Variants in MORC1 observed in about 807,000 individuals in gnomAD.
The protein encoded by MORC1 is MORC family CW-type zinc finger 1.
MORC1 carries 59 observed loss-of-function variants against 134.9 expected under a neutral mutation model. The observed-to-expected ratio is 0.44, with a 90% CI of 0.35 to 0.54. The LOEUF is 0.54. Ranked by LOEUF, MORC1 falls within the 20% of genes least tolerant of loss-of-function variation. The pLI, the probability that MORC1 is intolerant of heterozygous loss-of-function variation, is 0.00. For synonymous variants in MORC1, 395 were observed against 391.7 expected (o/e 1.01, Z -0.10); for missense variants, 947 against 1,134.5 (o/e 0.83, Z 2.37).
Position 109,080,727 on chromosome 3 carries a change from G to T in MORC1, c.690-10970C>A, listed in dbSNP as rs563646467. 1.2e-3 allele frequency among the ~76,000 whole-genome samples: 177 copies of T among 152,090 alleles called. 1 individual carries two copies. Among genetic ancestry groups the T allele is most frequent in the African/African-American group, 4.1e-3 (169 of 41,502 alleles). On this transcript the variant is annotated intron_variant, in intron 8 of 27. Coordinates refer to ENST00000232603, the MANE Select transcript of MORC1 (RefSeq NM_014429.4). ...GATTTTTAAAATTCAGATAAAAAAAGAATATTTGCAAGAATAGCAAATAAT... is the reference window on the plus strand; with the variant it reads ...GATTTTTAAAATTCAGATAAAAAAATAATATTTGCAAGAATAGCAAATAAT...
intron 23 of MORC1, among the ~76,000 whole-genome samples, 190 bp downstream of exon 23, chr3:108,984,526 G>A (rs190916727): frequency 2.1e-3 from 292 of 138,224 alleles, no homozygotes; most frequent in African/African-American, 7.7e-3. Flanking sequence ...AGTTCTTCAC[G>A]AAAGAAATGA....
chr3:109,076,837 G>T (rs1278361525), intron 8 of MORC1, among the ~76,000 whole-genome samples: 2 of 152,062 alleles, frequency 1.3e-5, no homozygotes, highest in East Asian at 3.9e-4. Flanking sequence ...GGGGATCGGG[G>T]ACTAGGGGAG....
At chr3:109,009,787 A>G (rs1948639836) in intron 17 of MORC1, among the ~76,000 whole-genome samples, 1 of 152,084 alleles carries the variant, frequency 6.6e-6, no homozygotes, top group Non-Finnish European at 1.5e-5. Context: ...TTCTGGGGAC[A>G]GTTTTTCCCT....
intron 21 of MORC1, among the ~76,000 whole-genome samples, chr3:108,987,317 T>C (rs375253445): frequency 6.6e-6 from 1 of 152,342 alleles, no homozygotes; most frequent in East Asian, 1.9e-4. Context: ...CTCTATCGTT[T>C]TGAGGAAGCT....
chr3:109,058,157 C>T (rs1950002069), intron 12 of MORC1, among the ~76,000 whole-genome samples: 1 of 152,086 alleles, frequency 6.6e-6, no homozygotes, highest in South Asian at 2.1e-4. Flanking sequence ...ATATCAGAGG[C>T]TGCTGGAAGC....
intron 24 of MORC1, among the ~76,000 whole-genome samples, chr3:108,972,769 C>G (rs1053316767): frequency 2.6e-5 from 4 of 152,204 alleles, no homozygotes; most frequent in African/African-American, 9.6e-5. Flanking sequence ...TTCAGGCTCC[C>G]TTTCCCCACC....
chr3:108,980,967 G>A (rs1490403393), intron 23 of MORC1, among the ~76,000 whole-genome samples: 1 of 152,102 alleles, frequency 6.6e-6, no homozygotes, highest in Non-Finnish European at 1.5e-5. Flanking sequence ...CACTACCATT[G>A]GAAGTTTTCA....
intron 8 of MORC1, among the ~76,000 whole-genome samples, chr3:109,088,678 A>C (rs551952658): frequency 2.0e-5 from 3 of 152,270 alleles, no homozygotes; most frequent in African/African-American, 7.2e-5. Flanking sequence ...TAAAAAGTAG[A>C]ACTACCGTTC....
intron 25 of MORC1, among the ~76,000 whole-genome samples, chr3:108,970,591 T>C (rs952695241): frequency 1.3e-5 from 2 of 152,176 alleles, no homozygotes; most frequent in African/African-American, 4.8e-5. Context: ...CTCTGTTGCA[T>C]TCATAATTTG....
At chr3:108,963,381 C>G in intron 27 of MORC1, 33 bp downstream of exon 27, 1 of 1,568,546 alleles carries the variant, frequency 6.4e-7, no homozygotes, top group Non-Finnish European at 8.7e-7. Flanking sequence ...ATAGAGTCTA[C>G]TCCTACTGCT....
At chr3:109,060,000 C>T in intron 11 of MORC1, 130 bp from the exon 12 acceptor site, 1 of 670,900 alleles carries the variant, frequency 1.5e-6, no homozygotes. Context: ...ATTCTACCAT[C>T]ATAGATTCTC....
At position 108,969,650 on chromosome 3, in the gene MORC1, A is replaced by G. The variant is rs767934576; in HGVS notation, c.2604+19T>C. The stretch of plus-strand genomic sequence containing the variant: ...AGGATCATTTAGAATATAAATGGTG[A>G]TACTGAAAGGAAGCTTACCTGGTTG... On this transcript the variant is annotated intron_variant, in intron 26 of 27. Coordinates refer to ENST00000232603, the MANE Select transcript of MORC1 (RefSeq NM_014429.4). 27 of 1,602,998 alleles carry G rather than the reference A, an allele frequency of 1.7e-5. No individual in the cohort carries two copies. The highest frequency in any genetic ancestry group is 2.3e-5 in the Non-Finnish European group (27 of 1,169,966).
chr3:109,004,740 T>C (rs1948495701), intron 20 of MORC1, 77 bp downstream of exon 20: 5 of 1,379,572 alleles, frequency 3.6e-6, no homozygotes, highest in Non-Finnish European at 5.1e-6. Context: ...AAGCATTGAA[T>C]GCAAAACTTA....
At chr3:109,112,710 A>G (rs1951196224) in intron 2 of MORC1, among the ~76,000 whole-genome samples, 1 of 152,172 alleles carries the variant, frequency 6.6e-6, no homozygotes, top group Non-Finnish European at 1.5e-5. Flanking sequence ...GAGGGCCCAA[A>G]TTTTTTATTT....
At chr3:109,004,672 T>A in intron 20 of MORC1, 145 bp downstream of exon 20, 1 of 776,192 alleles carries the variant, frequency 1.3e-6, no homozygotes, top group Non-Finnish European at 2.1e-6. Context: ...CCCAGTTTTT[T>A]CAGAACCTTG....
At position 109,011,821 on chromosome 3, in the gene MORC1, G is replaced by A. The variant is rs145627587; in HGVS notation, c.1705-4730C>T. ...CAGGCGTGAGCCACTGAGCCCAGCC[G>A]AGTTTTAAAAGTTCTCTCCATACTC... On this transcript the variant is annotated intron_variant, in intron 17 of 27. Coordinates refer to ENST00000232603, the MANE Select transcript of MORC1 (RefSeq NM_014429.4). Among the ~76,000 whole-genome samples the A allele has an allele frequency of 1.6e-3, 251 of 152,166 alleles. 1 individual carries two copies. The highest frequency in any genetic ancestry group is 5.7e-3 in the African/African-American group (236 of 41,520).
At chr3:109,064,202 A>G (rs1162750822) in intron 9 of MORC1, among the ~76,000 whole-genome samples, 2 of 152,170 alleles carry the variant, frequency 1.3e-5, no homozygotes, top group African/African-American at 4.8e-5. Flanking sequence ...TAAACTTCTA[A>G]CAGAGATTCT....
Position 108,979,710 on chromosome 3 carries a change from A to T in MORC1, c.2325-43T>A, listed in dbSNP as rs1947660020. On this transcript the variant is annotated intron_variant, in intron 23 of 27. Transcript: ENST00000232603. ...AAAGTAGAAATCATGTTAGGTATTA[A>T]TAATTTCAGAAACACTAATATACAA... The T allele has an allele frequency of 3.1e-6, 5 of 1,597,368 alleles. No individual in the cohort carries two copies. In the East Asian group the frequency reaches 1.1e-4, roughly 36 times the overall value.
intron 14 of MORC1, among the ~76,000 whole-genome samples, chr3:109,046,365 T>C (rs1336446676): frequency 6.6e-6 from 1 of 152,256 alleles, no homozygotes; most frequent in Non-Finnish European, 1.5e-5. Flanking sequence ...GACCTTCTTT[T>C]TTTAGGTTAT....
Sources: gnomAD v4.1 joint callset for allele counts (sites outside exome capture counted in the v4.1 genomes callset) on GRCh38, gnomAD v4.1.1 for gene constraint, MANE v1.5 for transcripts, NCBI Gene and HGNC (gene_info 2026-07-23, HGNC 2026-07-21) for gene names.